The following SEPTIN9 variants were observed in gnomAD, a reference collection of about 807,000 sequenced individuals.
SEPTIN9 encodes septin-9.
A neutral mutation model predicts 56.6 loss-of-function variants in SEPTIN9; 13 were observed. The ratio of observed to expected loss-of-function variants is 0.23; its 90% CI spans 0.15 to 0.37. The LOEUF (loss-of-function observed/expected upper bound fraction) is 0.37. Ranked by LOEUF, SEPTIN9 falls within the 10% of genes least tolerant of loss-of-function variation. The probability of loss-of-function intolerance (pLI) is 1.00; values close to 1 mark genes in which losing one functional copy is unlikely to be tolerated. For synonymous variants in SEPTIN9, 332 were observed against 334.1 expected (o/e 0.99, Z 0.07); for missense variants, 650 against 823.1 (o/e 0.79, Z 2.57).
chr17:77,420,443 C>T (rs2036658639), intron 3 of SEPTIN9, among the ~76,000 whole-genome samples: 1 of 152,190 alleles, frequency 6.6e-6, no homozygotes, highest in Non-Finnish European at 1.5e-5. Context: ...CCCTGTGAAA[C>T]AGAGATACCT....
rs1017390553 is a variant in SEPTIN9, at chr17:77,449,359, C to T, written c.722-32785C>T. 6.6e-6 allele frequency among the ~76,000 whole-genome samples: 1 copy of T among 152,106 alleles called. No homozygotes were observed. The highest frequency in any genetic ancestry group is 1.5e-5 in the Non-Finnish European group (1 of 68,022). ...GCAAGAGGAACCACTGCAAGAGGGGCGGCCACCTCAGCAAAGCACCCAGGA... is the reference window on the plus strand; with the variant it reads ...GCAAGAGGAACCACTGCAAGAGGGGTGGCCACCTCAGCAAAGCACCCAGGA... On this transcript the variant is annotated intron_variant, in intron 3 of 11. Transcript: ENST00000427177. This position sits in a 1 kb window ranked among gnomAD's most constrained non-coding sequence, Gnocchi z 4.6.
intron 2 of SEPTIN9, among the ~76,000 whole-genome samples, chr17:77,350,589 C>G (rs2034024345): frequency 6.7e-6 from 1 of 148,974 alleles, no homozygotes; most frequent in African/African-American, 2.5e-5. Flanking sequence ...GAAGCTCTGC[C>G]TCTCTTCTCT....
chr17:77,338,333 G>A (rs2033619828), intron 2 of SEPTIN9, among the ~76,000 whole-genome samples: 1 of 151,438 alleles, frequency 6.6e-6, no homozygotes, highest in African/African-American at 2.4e-5. Flanking sequence ...TTGGTAGAAG[G>A]TCTGCCTCAA....
At chr17:77,287,248 C>T (rs1169151833) in intron 1 of SEPTIN9, among the ~76,000 whole-genome samples, 1 of 152,210 alleles carries the variant, frequency 6.6e-6, no homozygotes, top group Non-Finnish European at 1.5e-5. Context: ...GTCACCCAGG[C>T]CTGTGGGTGC....
intron 10 of SEPTIN9, among the ~76,000 whole-genome samples, chr17:77,494,732 G>A (rs1335747347): frequency 6.6e-6 from 1 of 152,082 alleles, no homozygotes; most frequent in East Asian, 1.9e-4. Flanking sequence ...ACCTGCCAAG[G>A]GACCCAGAAC....
chr17:77,490,510 C>T (rs891875776), intron 7 of SEPTIN9, among the ~76,000 whole-genome samples: 5 of 152,200 alleles, frequency 3.3e-5, no homozygotes, highest in African/African-American at 1.2e-4. Context: ...GGAGCTGGCC[C>T]TGGCCCGCCT....
At chr17:77,491,323 G>C (rs73377534) in intron 8 of SEPTIN9, among the ~76,000 whole-genome samples, 1,640 of 152,006 alleles carry the variant, frequency 0.011, 13 homozygotes, top group South Asian at 0.036. Flanking sequence ...CTCAGTCCCC[G>C]AGTAGCTGGA....
intron 2 of SEPTIN9, among the ~76,000 whole-genome samples, chr17:77,340,841 C>G (rs2033703145): frequency 6.6e-6 from 1 of 152,252 alleles, no homozygotes; most frequent in Non-Finnish European, 1.5e-5. Flanking sequence ...TCACCTTGCA[C>G]TTTTACATTA....
intron 10 of SEPTIN9, 85 bp from the exon 11 acceptor site, chr17:77,497,230 G>A: frequency 2.9e-6 from 4 of 1,389,914 alleles, no homozygotes; most frequent in Non-Finnish European, 4.0e-6. Context: ...TTTGGCACCA[G>A]CATTTCTGGG....
At chr17:77,356,681 C>T (rs12600824) in intron 2 of SEPTIN9, among the ~76,000 whole-genome samples, 1 of 18,686 alleles carries the variant, frequency 5.4e-5, no homozygotes, top group Non-Finnish European at 1.0e-4. Flanking sequence ...CCCCTCCCCT[C>T]CCCCCCCACA....
In SEPTIN9 at chr17:77,481,850, C is replaced by A. The variant is rs2039469333; in HGVS notation, c.722-294C>A. 4 of 465,668 alleles carry A rather than the reference C, an allele frequency of 8.6e-6. No individual in the cohort carries two copies. The East Asian group carries it at 1.1e-4, about 13-fold the overall frequency. 28.8% of individuals were successfully genotyped at this position (465,668 alleles called of 1,614,324 possible). A position where few individuals can be genotyped will look rare whatever the true frequency, so the allele number is the denominator to read the frequency against. ...GCCCTGCCTTGGAGCGCAGGGGGCC[C>A]CCAGCTTGGCACAGCTCCTAGAAGA... is the stretch of plus-strand genomic sequence containing the variant. On this transcript the variant is annotated intron_variant, in intron 3 of 11. Transcript: ENST00000427177.
Position 77,498,672 on chromosome 17 carries a change from C to CCCCCCCCGGGTCCTT in SEPTIN9, c.*14_*15insCCCCCCCGGGTCCTT. ...CCGGAGATGTAGACGCCACCCTGCCCACCCCCGGGATCCTGCCCCCAAGTC... is the reference window on the plus strand; with the variant it reads ...CCGGAGATGTAGACGCCACCCTGCCCCCCCCCCGGGTCCTTACCCCCGGGATCCTGCCCCCAAGTC... On this transcript the variant is annotated 3_prime_UTR_variant, in exon 12 of 12. Transcript: ENST00000427177. The CCCCCCCCGGGTCCTT allele has an allele frequency of 6.4e-7, 1 of 1,550,432 alleles. No individual in the cohort carries two copies. The highest frequency in any genetic ancestry group is 8.7e-7 in the Non-Finnish European group (1 of 1,148,308).
chr17:77,496,014 CTTTTCT>C (rs1197388147), intron 10 of SEPTIN9, among the ~76,000 whole-genome samples: 39 of 151,070 alleles, frequency 2.6e-4, no homozygotes, highest in Non-Finnish European at 5.0e-4. Flanking sequence ...ATTTTCTTTT[CTTTTCT>C]TTTTCTTTTT....
rs115991502 is a variant in SEPTIN9 at position 77,346,364 on chromosome 17, C to T, written c.76+39167C>T. 4.1e-3 allele frequency among the ~76,000 whole-genome samples: 575 copies of T among 139,368 alleles called. 5 individuals carry two copies. The highest frequency in any genetic ancestry group is 0.014 in the African/African-American group (523 of 37,634). The allele number at this position is 139,368 out of a possible 152,430, so 91.4% of individuals were successfully genotyped here. A position where few individuals can be genotyped will look rare whatever the true frequency, so the allele number is the denominator to read the frequency against. The stretch of plus-strand genomic sequence containing the variant: ...CCCTCTAAGCACTAGCTTCAGCCTA[C>T]GTATTTTAGTATGCTGTGTTTTCAT... On this transcript the variant is annotated intron_variant, in intron 2 of 11. Transcript: ENST00000427177.
intron 10 of SEPTIN9, among the ~76,000 whole-genome samples, chr17:77,493,472 C>A (rs1195141632): frequency 1.3e-5 from 2 of 152,168 alleles, no homozygotes; most frequent in Non-Finnish European, 2.9e-5. Context: ...CCTTACCCTG[C>A]TGAAGTTCCT....
intron 2 of SEPTIN9, among the ~76,000 whole-genome samples, chr17:77,351,010 G>A (rs2034044118): frequency 6.9e-6 from 1 of 145,204 alleles, no homozygotes; most frequent in Non-Finnish European, 1.6e-5. Flanking sequence ...TGTGTGGTGT[G>A]TGCCTGCACA....
intron 3 of SEPTIN9, chr17:77,404,977 CTTTG>C (rs2036015220): frequency 6.5e-6 from 7 of 1,080,902 alleles, no homozygotes; most frequent in Middle Eastern, 2.8e-4. Context: ...GGTGCAGGAC[CTTTG>C]TTTGACGTGC....
In SEPTIN9 at chr17:77,435,514, C is replaced by T. The variant is rs1042792282; in HGVS notation, c.721+32811C>T. Among the ~76,000 whole-genome samples, 2 of 152,194 alleles carry T rather than the reference C, an allele frequency of 1.3e-5. No homozygotes were observed. The highest frequency in any genetic ancestry group is 4.8e-5 in the African/African-American group (2 of 41,446). On this transcript the variant is annotated intron_variant, in intron 3 of 11. Coordinates refer to ENST00000427177, the MANE Select transcript of SEPTIN9 (RefSeq NM_001113491.2). This position sits in a 1 kb window ranked among gnomAD's most constrained non-coding sequence, Gnocchi z 4.5. Reference sequence around the variant, plus strand: ...CGGGCGGGTCGTCGTGCCCCAGTGCCGCCTGCCCTACACCTGATTGGCAGC... The same window carrying T: ...CGGGCGGGTCGTCGTGCCCCAGTGCTGCCTGCCCTACACCTGATTGGCAGC...
At chr17:77,482,485 G>T in intron 4 of SEPTIN9, 150 bp downstream of exon 4, 4 of 810,188 alleles carry the variant, frequency 4.9e-6, no homozygotes, top group Non-Finnish European at 8.3e-6. Context: ...GACATTGCGT[G>T]TGCATGCATG....
Sources: allele counts gnomAD v4.1 joint callset (sites outside exome capture counted in the v4.1 genomes callset), GRCh38; gene constraint gnomAD v4.1.1; non-coding constraint Gnocchi (gnomAD v3.1); transcripts MANE v1.5; gene names NCBI Gene and HGNC (gene_info 2026-07-23, HGNC 2026-07-21).